Variants in ALDOB observed in about 807,000 individuals in gnomAD.
ALDOB encodes the protein aldolase, fructose-bisphosphate B, also known as fructose-bisphosphate aldolase B.
ALDOB carries 39 observed loss-of-function variants against 41.0 expected under a neutral mutation model. The ratio of observed to expected loss-of-function variants is 0.95; its 90% CI spans 0.74 to 1.24. The LOEUF (loss-of-function observed/expected upper bound fraction) is 1.24. ALDOB is among the 50% of genes most tolerant of loss of function. ALDOB has a pLI of 0.00. For missense variants in ALDOB, 530 were observed against 457.3 expected (o/e 1.16, Z -1.45); for synonymous variants, 175 against 168.8 (o/e 1.04, Z -0.28).
chr9:101,427,295 C>T (rs925595193), intron 5 of ALDOB, among the ~76,000 whole-genome samples, 187 bp downstream of exon 5: 5 of 152,064 alleles, frequency 3.3e-5, no homozygotes, highest in African/African-American at 1.2e-4. Context: ...TAGTTGGACT[C>T]CTACTGGCTT....
At chr9:101,423,640 C>T (rs912615915) in intron 8 of ALDOB, among the ~76,000 whole-genome samples, 4 of 152,168 alleles carry the variant, frequency 2.6e-5, no homozygotes, top group Non-Finnish European at 5.9e-5. Context: ...ATTCTCTTTT[C>T]TGCCTCTTCC....
At chr9:101,434,384 G>T (rs529546858) in intron 1 of ALDOB, among the ~76,000 whole-genome samples, 1 of 152,164 alleles carries the variant, frequency 6.6e-6, no homozygotes, top group South Asian at 2.1e-4. Context: ...CCTATGGTAT[G>T]GTTCTTTCTG....
chr9:101,428,589 C>G, intron 3 of ALDOB, 66 bp from the exon 4 acceptor site: 1 of 1,328,710 alleles, frequency 7.5e-7, no homozygotes. Context: ...CTTGAACTAA[C>G]TAACAGTTTG....
Position 101,424,951 on chromosome 9 carries a change from T to C in ALDOB, c.891A>G (p.Lys297=), listed in dbSNP as rs1195160136. Residue 297 remains lysine (K), a synonymous_variant, in exon 8 of 9, where the codon AAA becomes AAG. Coordinates refer to ENST00000647789, the MANE Select transcript of ALDOB (RefSeq NM_000035.4). ...INLCPLPKPW[K]LSFSYGRALQ... is the part of the protein sequence containing the mutation. Reference sequence around the variant, plus strand: ...GGGCCCGTCCATAAGAGAAACTTAGTTTCCAGGGCTTTGGTAGAGGGCAAA... The same window carrying C: ...GGGCCCGTCCATAAGAGAAACTTAGCTTCCAGGGCTTTGGTAGAGGGCAAA... 3.7e-6 allele frequency: 6 copies of C among 1,614,076 alleles called. No individual in the cohort carries two copies. In the South Asian group the frequency reaches 6.6e-5, roughly 18 times the overall value.
rs560469052 is a variant in ALDOB at position 101,433,717 on chromosome 9, T to G, written c.-11+1992A>C. Among the ~76,000 whole-genome samples the G allele has an allele frequency of 5.4e-4, 83 of 152,348 alleles. 4 individuals carry two copies. The highest frequency in any genetic ancestry group is 1.9e-3 in the African/African-American group (77 of 41,592). Reference sequence around the variant, plus strand: ...AAAGAGTAACAACTCTGGAGTTACCTCTGAAGAATGGGGTAGGGTGGAGAG... The same window carrying G: ...AAAGAGTAACAACTCTGGAGTTACCGCTGAAGAATGGGGTAGGGTGGAGAG... On this transcript the variant is annotated intron_variant, in intron 1 of 8. Coordinates refer to ENST00000647789, the MANE Select transcript of ALDOB (RefSeq NM_000035.4).
chr9:101,433,896 G>A (rs1831255429), intron 1 of ALDOB, among the ~76,000 whole-genome samples: 1 of 151,784 alleles, frequency 6.6e-6, no homozygotes. Context: ...CAGACACCAA[G>A]CAGCTGAAAC....
At chr9:101,429,343 G>A (rs927881027) in intron 3 of ALDOB, among the ~76,000 whole-genome samples, 4 of 151,920 alleles carry the variant, frequency 2.6e-5, no homozygotes, top group African/African-American at 9.7e-5. Context: ...ATTTTTAGTA[G>A]AGACAAGGTC....
Position 101,421,860 on chromosome 9 carries a change from A to G in ALDOB, c.1044T>C (p.Ser348=), listed in dbSNP as rs2118333009. ...AAKGQYVHTG[S]SGAASTQSLF... is the part of the protein sequence containing the mutation. ...GCGACTGGGTGGAAGCAGCCCCAGA[A>G]GAACCCGTGTGAACATACTGTCCTT... Residue 348 remains serine (S), a synonymous_variant, in exon 9 of 9, where the codon TCT becomes TCC. Coordinates refer to ENST00000647789, the MANE Select transcript of ALDOB (RefSeq NM_000035.4). The G allele has an allele frequency of 2.5e-6, 4 of 1,614,120 alleles. No homozygotes were observed. Among genetic ancestry groups the G allele is most frequent in the Non-Finnish European group, 3.4e-6 (4 of 1,180,006 alleles).
At position 101,429,856 on chromosome 9, in the gene ALDOB, C is replaced by T. The variant is rs747604233; in HGVS notation, c.223G>A (p.Gly75Arg). The T allele has an allele frequency of 1.5e-5, 24 of 1,613,994 alleles. No individual in the cohort carries two copies. Among genetic ancestry groups the T allele is most frequent in the African/African-American group, 2.7e-5 (2 of 74,898 alleles). ...GTCTCGTGGAAAAGGATCACACCCC[C>T]GATGCTCTGGTTGATGGAACTGTCC... ...SVDSSINQSI[G>R]GVILFHETLY... The change falls in exon 3 of 9, where the codon GGG becomes AGG. Residue 75 changes from glycine (G) to arginine (R), a missense_variant. Gly to Arg is a moderately radical substitution (Grantham distance 125, BLOSUM62 -2). Coordinates refer to ENST00000647789, the MANE Select transcript of ALDOB (RefSeq NM_000035.4).
chr9:101,428,581 T>G, intron 3 of ALDOB, 58 bp from the exon 4 acceptor site: 1 of 1,370,932 alleles, frequency 7.3e-7, no homozygotes, highest in Non-Finnish European at 1.0e-6. Context: ...GCAGAACTCT[T>G]GAACTAACTA....
At chr9:101,430,013 T>C in intron 2 of ALDOB, 47 bp from the exon 3 acceptor site, 1 of 1,518,092 alleles carries the variant, frequency 6.6e-7, no homozygotes, top group Middle Eastern at 2.0e-4. Context: ...GCCAGGGCTT[T>C]CCTGTCACCC....
In ALDOB at chr9:101,435,695, GC is replaced by G. The variant is rs1394281892; in HGVS notation, c.-11+13del. ...GGTGCTGTCCAGGTATACAAAGGAA[GC>G]TTTTTTACTTACAGTTTGGGAGAGA... On this transcript the variant is annotated intron_variant, in intron 1 of 8. Transcript: ENST00000647789. The G allele has an allele frequency of 1.3e-5, 2 of 152,148 alleles. No homozygotes were observed. Among genetic ancestry groups the G allele is most frequent in the African/African-American group, 4.8e-5 (2 of 41,442 alleles). 9.4% of individuals were successfully genotyped at this position (152,148 alleles called of 1,614,324 possible).
Position 101,428,525 on chromosome 9 carries a change from T to C in ALDOB, c.325-2A>G. On this transcript the variant is annotated splice_acceptor_variant, in intron 3 of 8. Coordinates refer to ENST00000647789, the MANE Select transcript of ALDOB (RefSeq NM_000035.4). LOFTEE classifies it high-confidence loss of function. The stretch of plus-strand genomic sequence containing the variant: ...AAGAGGAGCACCTCCTTGGTCTAAC[T>C]GTGGATACAAATAATTAACAGGTGT... The C allele has an allele frequency of 6.2e-7, 1 of 1,613,116 alleles. No individual in the cohort carries two copies. The highest frequency in any genetic ancestry group is 8.5e-7 in the Non-Finnish European group (1 of 1,179,044).
At chr9:101,430,721 T>G (rs1405055241) in intron 2 of ALDOB, 55 bp downstream of exon 2, 1 of 1,355,316 alleles carries the variant, frequency 7.4e-7, no homozygotes, top group African/African-American at 1.4e-5. Flanking sequence ...TTGTTTTTGC[T>G]AAGTGTAGAA....
At chr9:101,430,203 A>T (rs1831197529) in intron 2 of ALDOB, among the ~76,000 whole-genome samples, 1 of 152,196 alleles carries the variant, frequency 6.6e-6, no homozygotes. Flanking sequence ...AGCCACCCTC[A>T]GGTCCAGGTG....
rs766027880 is a variant in ALDOB, at chr9:101,425,573, T to C, written c.679A>G (p.Thr227Ala). 1.2e-6 allele frequency: 2 copies of C among 1,614,044 alleles called. No individual in the cohort carries two copies. The highest frequency in any genetic ancestry group is 1.7e-6 in the Non-Finnish European group (2 of 1,180,048). The change falls in exon 7 of 9, where the codon ACC (threonine) becomes GCC (alanine). Residue 227 changes from threonine to alanine, a missense_variant. Thr to Ala is a moderately conservative substitution (Grantham distance 58). Transcript: ENST00000647789. Reference protein sequence around the residue: ...LNDHHVYLEGTLLKPNMVTAG... With the variant: ...LNDHHVYLEGALLKPNMVTAG... ...GTCACCATGTTGGGCTTTAGCAGGG[T>C]GCCCTCCAGGTAAACATGATGGTCA...
At chr9:101,427,784 A>G in intron 4 of ALDOB, 142 bp from the exon 5 acceptor site, 2 of 954,464 alleles carry the variant, frequency 2.1e-6, no homozygotes, top group Non-Finnish European at 1.6e-6. Context: ...GCATATCAGC[A>G]TTAATCACAA....
intron 1 of ALDOB, among the ~76,000 whole-genome samples, chr9:101,431,689 C>A (rs978608206): frequency 2.6e-5 from 4 of 152,194 alleles, no homozygotes; most frequent in Admixed American, 1.3e-4. Context: ...TGTTCGGATG[C>A]CACTTTGGGT....
intron 4 of ALDOB, among the ~76,000 whole-genome samples, chr9:101,428,258 A>C (rs1226281402): frequency 6.6e-6 from 1 of 152,210 alleles, no homozygotes; most frequent in Non-Finnish European, 1.5e-5. Context: ...AGAAATCCCC[A>C]TTTTGAGATA....
Sources: gnomAD v4.1 joint callset for allele counts (sites outside exome capture counted in the v4.1 genomes callset) on GRCh38, gnomAD v4.1.1 for gene constraint, MANE v1.5 for transcripts, NCBI Gene and HGNC (gene_info 2026-07-23, HGNC 2026-07-21) for gene names.